Variants in FAR2 observed in about 807,000 individuals in gnomAD.
The protein encoded by FAR2 is epididymis secretory protein Li 81.
In FAR2, 19 loss-of-function variants were observed where a neutral mutation model predicts 56.0. That is an observed-to-expected ratio of 0.34 (90% CI 0.24 to 0.50). The LOEUF is 0.50. Ranked by LOEUF, FAR2 falls within the 20% of genes least tolerant of loss-of-function variation. FAR2 has a pLI of 0.98. For synonymous variants in FAR2, 219 were observed against 218.8 expected, an observed-to-expected ratio of 1.00 and a Z score of -0.01; for missense variants, 508 against 642.2, an observed-to-expected ratio of 0.79 and a Z score of 2.26.
rs753965067 is a variant in FAR2 at position 29,297,072 on chromosome 12, T to C, written c.417T>C (p.Ala139=). ...VTATRQLLLM[A]SQMPKLEAFI... is the part of the protein sequence containing the mutation. ...CCACCCGGCAGCTCTTGCTTATGGCTAGTCAGATGCCAAAGCTGGAAGCCT... is the reference window on the plus strand; with the variant it reads ...CCACCCGGCAGCTCTTGCTTATGGCCAGTCAGATGCCAAAGCTGGAAGCCT... Residue 139 remains alanine (A), a synonymous_variant, in exon 4 of 12, where the codon GCT becomes GCC. Coordinates refer to ENST00000536681, the MANE Select transcript of FAR2 (RefSeq NM_001271783.2). 1.4e-5 allele frequency: 22 copies of C among 1,613,160 alleles called. No individual in the cohort carries two copies. The highest frequency in any genetic ancestry group is 1.8e-5 in the Non-Finnish European group (21 of 1,179,622).
At chr12:29,309,822 G>A (rs1255924716) in intron 6 of FAR2, 4 of 152,420 alleles carry the variant, frequency 2.6e-5, no homozygotes, top group African/African-American at 4.8e-5. Context: ...GCATCTGCCC[G>A]AAGTCCAGAT....
intron 10 of FAR2, among the ~76,000 whole-genome samples, chr12:29,324,362 G>C (rs549819936): frequency 7.7e-4 from 118 of 152,268 alleles, no homozygotes; most frequent in Middle Eastern, 6.8e-3. Flanking sequence ...AATCTAGCAA[G>C]GCAGGCCAAC....
intron 1 of FAR2, among the ~76,000 whole-genome samples, chr12:29,166,470 C>T (rs1949830609): frequency 6.6e-6 from 1 of 152,180 alleles, no homozygotes; most frequent in South Asian, 2.1e-4. Flanking sequence ...GAAAGCCTCT[C>T]CTCTTTGGCA....
At chr12:29,175,675 G>T (rs899318455) in intron 1 of FAR2, among the ~76,000 whole-genome samples, 1 of 152,212 alleles carries the variant, frequency 6.6e-6, no homozygotes, top group South Asian at 2.1e-4. Context: ...GCTGATTGGT[G>T]TATTTACAAT....
chr12:29,225,584 T>A (rs1455647985), intron 1 of FAR2, among the ~76,000 whole-genome samples: 1 of 152,198 alleles, frequency 6.6e-6, no homozygotes, highest in African/African-American at 2.4e-5. Context: ...ATAAGCTCTG[T>A]AATACTATTT....
At chr12:29,185,115 A>T (rs34158620) in intron 1 of FAR2, among the ~76,000 whole-genome samples, 5,888 of 152,312 alleles carry the variant, frequency 0.039, 332 homozygotes, top group African/African-American at 0.13. Flanking sequence ...CCTCAGTAAG[A>T]CATAATTCTC....
At chr12:29,154,416 TTTTTTTTTTG>T (rs1242055779) in intron 1 of FAR2, among the ~76,000 whole-genome samples, 85 of 143,374 alleles carry the variant, frequency 5.9e-4, no homozygotes, top group African/African-American at 2.1e-3. Context: ...TTGTTTTTGT[TTTTTTTTTTG>T]TTTTGTTTTG....
chr12:29,209,048 T>G (rs75679906), intron 1 of FAR2, among the ~76,000 whole-genome samples: 8,924 of 151,374 alleles, frequency 0.059, 864 homozygotes, highest in African/African-American at 0.2. Context: ...TTGCAGAAAT[T>G]CAGGCAGGAG....
chr12:29,270,585 C>A lies in FAR2; in HGVS notation c.136C>A (p.Pro46Thr). Residue 46 changes from proline to threonine, a missense_variant, in exon 2 of 12, where the codon CCC becomes ACC. Pro to Thr is a conservative substitution (Grantham distance 38). Transcript: ENST00000536681. ...DLKVIYILVR[P>T]KAGQTLQQRV... ...GAAAGTCATTTACATCCTTGTGAGG[C>A]CCAAGGCTGGCCAGACACTGCAGCA... The A allele has an allele frequency of 3.7e-6, 6 of 1,614,036 alleles. No individual in the cohort carries two copies. The highest frequency in any genetic ancestry group is 5.1e-6 in the Non-Finnish European group (6 of 1,179,930).
At chr12:29,180,050 A>G (rs1264517350) in intron 1 of FAR2, among the ~76,000 whole-genome samples, 2 of 152,296 alleles carry the variant, frequency 1.3e-5, no homozygotes, top group Admixed American at 6.5e-5. Flanking sequence ...AGACAATTCA[A>G]TAGTTCACAA....
chr12:29,198,821 C>A (rs182983971), intron 1 of FAR2, among the ~76,000 whole-genome samples: 3 of 152,252 alleles, frequency 2.0e-5, no homozygotes, highest in African/African-American at 7.2e-5. Flanking sequence ...CCTCATCGCA[C>A]CCCCTGCCTC....
chr12:29,181,789 G>A (rs1949994355), intron 1 of FAR2, among the ~76,000 whole-genome samples: 1 of 152,148 alleles, frequency 6.6e-6, no homozygotes, highest in African/African-American at 2.4e-5. Context: ...CCCAATACTT[G>A]ATTCTACCTA....
At chr12:29,276,256 T>G (rs1948703323) in intron 2 of FAR2, among the ~76,000 whole-genome samples, 1 of 152,212 alleles carries the variant, frequency 6.6e-6, no homozygotes, top group African/African-American at 2.4e-5. Context: ...GGGCCTCACT[T>G]TTTACTAAGT....
At chr12:29,266,128 T>A (rs1349869552) in intron 1 of FAR2, among the ~76,000 whole-genome samples, 2 of 151,950 alleles carry the variant, frequency 1.3e-5, no homozygotes, top group Admixed American at 1.3e-4. Context: ...AAACAAAAAA[T>A]GTAACATATC....
intron 9 of FAR2, 90 bp from the exon 10 acceptor site, chr12:29,321,705 T>C: frequency 6.9e-7 from 1 of 1,445,036 alleles, no homozygotes; most frequent in African/African-American, 1.4e-5. Flanking sequence ...ATAATTTTTG[T>C]ATTTTCTTAA....
intron 1 of FAR2, among the ~76,000 whole-genome samples, chr12:29,180,814 C>T (rs372437127): frequency 6.6e-6 from 1 of 152,002 alleles, no homozygotes; most frequent in South Asian, 2.1e-4. Context: ...TTCATACTCA[C>T]AAAATATAAA....
intron 1 of FAR2, among the ~76,000 whole-genome samples, chr12:29,257,697 C>T (rs140259944): frequency 1.3e-3 from 200 of 152,130 alleles, no homozygotes; most frequent in African/African-American, 4.6e-3. Context: ...ACACTCACCT[C>T]GAAGGTCTGC....
chr12:29,232,080 G>A (rs1947868219), intron 1 of FAR2, among the ~76,000 whole-genome samples: 1 of 152,202 alleles, frequency 6.6e-6, no homozygotes, highest in Non-Finnish European at 1.5e-5. Flanking sequence ...TTGTGTAATT[G>A]ATCCCTAGGA....
Position 29,270,455 on chromosome 12 carries a change from C to T in FAR2, c.6C>T (p.Ser2=), listed in dbSNP as rs1275767540. 1 of 1,568,616 alleles carries T rather than the reference C, an allele frequency of 6.4e-7. No homozygotes were observed. The highest frequency in any genetic ancestry group is 8.7e-7 in the Non-Finnish European group (1 of 1,149,154). ...ATAAAAGAAAGGGAGGAATCATGTC[C>T]ACAATTGCAGCTTTCTATGGCGGCA... is the stretch of plus-strand genomic sequence containing the variant. M[S]TIAAFYGGKS... Residue 2 remains serine (S), a synonymous_variant, in exon 2 of 12, where the codon TCC becomes TCT. Transcript: ENST00000536681.
Sources: allele counts gnomAD v4.1 joint callset (sites outside exome capture counted in the v4.1 genomes callset), GRCh38; gene constraint gnomAD v4.1.1; transcripts MANE v1.5; gene names NCBI Gene and HGNC (gene_info 2026-07-23, HGNC 2026-07-21).